Variants in PAX5 observed in about 807,000 individuals in gnomAD.
PAX5 encodes paired box 5.
Under a neutral mutation model 43.7 loss-of-function variants are expected in PAX5, and 9 were observed. That is an observed-to-expected ratio of 0.21 (90% CI 0.12 to 0.36). The LOEUF (loss-of-function observed/expected upper bound fraction) is 0.36. PAX5 is among the 10% of genes least tolerant of loss of function. The probability of loss-of-function intolerance (pLI) is 1.00; values close to 1 mark genes in which losing one functional copy is unlikely to be tolerated. For missense variants in PAX5, 383 were observed against 532.7 expected, an observed-to-expected ratio of 0.72 and a Z score of 2.77; for synonymous variants, 228 against 214.3, an observed-to-expected ratio of 1.06 and a Z score of -0.56.
chr9:37,015,760 G>T lies in PAX5; in HGVS notation c.213-566C>A, dbSNP rs1164024794. Among the ~76,000 whole-genome samples, 2 of 151,966 alleles carry T rather than the reference G, an allele frequency of 1.3e-5. No individual in the cohort carries two copies. The highest frequency in any genetic ancestry group is 6.6e-5 in the Admixed American group (1 of 15,262). On this transcript the variant is annotated intron_variant, in intron 2 of 9. Coordinates refer to ENST00000358127, the MANE Select transcript of PAX5 (RefSeq NM_016734.3). The surrounding 1 kb of genome is among the most constrained non-coding windows in gnomAD (Gnocchi z 4.4). ...ATGCCCAGCTAATTTTGTATTTTTA[G>T]TAGAGACGGGGGTTTCACCATGTTA...
At chr9:36,911,789 CAG>C (rs1829316241) in intron 7 of PAX5, among the ~76,000 whole-genome samples, 2 of 152,196 alleles carry the variant, frequency 1.3e-5, no homozygotes, top group South Asian at 4.1e-4. Flanking sequence ...GGGATTGTGA[CAG>C]AGGAGGCAGA....
At chr9:36,896,938 A>G (rs928083844) in intron 7 of PAX5, among the ~76,000 whole-genome samples, 9 of 152,208 alleles carry the variant, frequency 5.9e-5, no homozygotes, top group Non-Finnish European at 1.2e-4. Flanking sequence ...GTCCTGCGCA[A>G]GCTCTCACAT....
chr9:36,947,549 T>C (rs779835860), intron 6 of PAX5, among the ~76,000 whole-genome samples: 6 of 152,108 alleles, frequency 3.9e-5, no homozygotes, highest in Non-Finnish European at 5.9e-5. Context: ...GGCTAACTTT[T>C]AGTTTTTTTG....
chr9:36,847,049 G>T, intron 8 of PAX5, 120 bp from the exon 9 acceptor site: 1 of 652,806 alleles, frequency 1.5e-6, no homozygotes, highest in Non-Finnish European at 2.8e-6. Context: ...AGTTGCAGGC[G>T]CTTTTGTAAC....
rs547919099 is a variant in PAX5 at position 36,857,195 on chromosome 9, G to A, written c.1013-10266C>T. On this transcript the variant is annotated intron_variant, in intron 8 of 9. Coordinates refer to ENST00000358127, the MANE Select transcript of PAX5 (RefSeq NM_016734.3). ...TGGAATGAATGATTTAAAAGGTAGG[G>A]CATGGTAGAAAGTAACATCTCTCCC... is the stretch of plus-strand genomic sequence containing the variant. Among the ~76,000 whole-genome samples the A allele has an allele frequency of 1.1e-4, 16 of 152,296 alleles. 1 individual carries two copies. Among genetic ancestry groups the A allele is most frequent in the African/African-American group, 3.8e-4 (16 of 41,578 alleles).
rs1163499168 is a variant in PAX5 at position 36,835,518 on chromosome 9, A to C, written c.*5042T>G. On this transcript the variant is annotated 3_prime_UTR_variant, in exon 10 of 10. Transcript: ENST00000358127. ...ACATCAGCACTGTGGTTCCCCCATG[A>C]ATATGCAAGAGGGAACCCTGAGGTT... is the stretch of plus-strand genomic sequence containing the variant. The C allele has an allele frequency of 4.3e-6, 1 of 233,042 alleles. No individual in the cohort carries two copies. The highest frequency in any genetic ancestry group is 2.2e-5 in the African/African-American group (1 of 45,338). 14.4% of individuals were successfully genotyped at this position (233,042 alleles called of 1,614,324 possible).
chr9:36,964,315 G>A (rs1188281375), intron 6 of PAX5, among the ~76,000 whole-genome samples: 1 of 151,838 alleles, frequency 6.6e-6, no homozygotes, highest in Non-Finnish European at 1.5e-5. Flanking sequence ...CTGGCTGGGC[G>A]CAGTGGCTCA....
intron 5 of PAX5, among the ~76,000 whole-genome samples, chr9:36,990,832 G>A (rs540360343): frequency 7.9e-5 from 12 of 152,322 alleles, no homozygotes; most frequent in East Asian, 3.9e-4. Flanking sequence ...AGAGAAGGCC[G>A]GGCGCAGTGG....
chr9:36,836,252 C>G lies in PAX5; in HGVS notation c.*4308G>C, dbSNP rs552276049. The stretch of plus-strand genomic sequence containing the variant: ...AGCGCCTCTGACCTTCCACCCAACT[C>G]CATCTTCAAAGCGCAAGACTTGCAA... On this transcript the variant is annotated 3_prime_UTR_variant, in exon 10 of 10. Transcript: ENST00000358127. 7.3e-5 allele frequency: 17 copies of G among 233,570 alleles called. No homozygotes were observed. In the South Asian group the frequency reaches 2.5e-3, roughly 35 times the overall value. 14.5% of individuals were successfully genotyped at this position (233,570 alleles called of 1,614,324 possible). A position where few individuals can be genotyped will look rare whatever the true frequency, so the allele number is the denominator to read the frequency against.
intron 6 of PAX5, among the ~76,000 whole-genome samples, chr9:36,937,875 T>G (rs138146171): frequency 9.7e-4 from 147 of 152,328 alleles, no homozygotes; most frequent in African/African-American, 3.2e-3. Flanking sequence ...CATCTTAACA[T>G]TAGTGCAAAA....
chr9:36,952,301 G>A (rs566399425), intron 6 of PAX5, among the ~76,000 whole-genome samples: 43 of 123,116 alleles, frequency 3.5e-4, no homozygotes, highest in South Asian at 3.2e-3. Context: ...GCACAATGGC[G>A]AGATCTCGGC....
chr9:36,896,378 T>C (rs1235320290), intron 7 of PAX5, among the ~76,000 whole-genome samples: 1 of 151,608 alleles, frequency 6.6e-6, no homozygotes, highest in Non-Finnish European at 1.5e-5. Flanking sequence ...CCTCCAATTA[T>C]TTCCTCAAAC....
intron 7 of PAX5, among the ~76,000 whole-genome samples, chr9:36,911,937 G>A (rs1829329523): frequency 6.6e-6 from 1 of 152,246 alleles, no homozygotes; most frequent in Admixed American, 6.5e-5. Flanking sequence ...CAGGCTGAAA[G>A]CAACCCCATG....
intron 3 of PAX5, among the ~76,000 whole-genome samples, chr9:37,007,165 T>TTG (rs1838471170): frequency 6.6e-6 from 1 of 152,212 alleles, no homozygotes; most frequent in Non-Finnish European, 1.5e-5. Context: ...GCACCAAACC[T>TTG]CACAGAAAGG....
intron 8 of PAX5, among the ~76,000 whole-genome samples, chr9:36,867,060 TGGGG>T (rs964982948): frequency 3.2e-5 from 1 of 31,600 alleles, no homozygotes; most frequent in African/African-American, 1.1e-4. Context: ...GATGGGGTGG[TGGGG>T]GGGGGGCCTT....
intron 7 of PAX5, among the ~76,000 whole-genome samples, chr9:36,912,103 C>A (rs1829343008): frequency 6.6e-6 from 1 of 152,258 alleles, no homozygotes; most frequent in Admixed American, 6.5e-5. Context: ...GACTCCACCA[C>A]CTTCTGAGGA....
chr9:36,950,735 C>CTTTTTTTTT (rs55801947), intron 6 of PAX5, among the ~76,000 whole-genome samples: 3 of 116,638 alleles, frequency 2.6e-5, no homozygotes, highest in East Asian at 2.2e-4. Flanking sequence ...ACTGAGTTTT[C>CTTTTTTTTT]TTTTTTTTTT....
At position 37,020,782 on chromosome 9, in the gene PAX5, C is replaced by T; in HGVS notation, c.66G>A (p.Gln22=). Residue 22 remains glutamine, a synonymous_variant, in exon 2 of 10, where the codon CAG becomes CAA. Transcript: ENST00000358127. ...GTCCATTCACAAAAACCCCCCCAAG[C>T]TGATTCACTCCTCCATGTCCTGAAA... ...TSRTGHGGVN[Q]LGGVFVNGRP... 6.2e-7 allele frequency: 1 copy of T among 1,614,122 alleles called. No homozygotes were observed. Among genetic ancestry groups the T allele is most frequent in the South Asian group, 1.1e-5 (1 of 91,076 alleles).
intron 7 of PAX5, among the ~76,000 whole-genome samples, chr9:36,915,427 A>C (rs1829656714): frequency 6.6e-6 from 1 of 152,218 alleles, no homozygotes. Context: ...TTTAATTTAC[A>C]GTTTTAAAGT....
Sources: gnomAD v4.1 joint callset for allele counts (sites outside exome capture counted in the v4.1 genomes callset) on GRCh38, gnomAD v4.1.1 for gene constraint, Gnocchi (gnomAD v3.1) non-coding constraint, MANE v1.5 for transcripts, NCBI Gene and HGNC (gene_info 2026-07-23, HGNC 2026-07-21) for gene names.